HCN1: variants seen among roughly 807,000 people sequenced by gnomAD.
HCN1 encodes potassium/sodium hyperpolarization-activated cyclic nucleotide-gated channel 1.
Under a neutral mutation model 78.9 loss-of-function variants are expected in HCN1, and 13 were observed. That is an observed-to-expected ratio of 0.16 (90% CI 0.11 to 0.26). The LOEUF (loss-of-function observed/expected upper bound fraction) is 0.26, where lower values mean the gene tolerates loss of function less well. HCN1 is among the 10% of genes least tolerant of loss of function. The probability of loss-of-function intolerance (pLI) is 1.00; values close to 1 mark genes in which losing one functional copy is unlikely to be tolerated. For missense variants in HCN1, 810 were observed against 1,154.3 expected (o/e 0.70, Z 4.32); for synonymous variants, 552 against 455.5 (o/e 1.21, Z -2.70).
chr5:45,265,239 A>G (rs563677454), intron 7 of HCN1, among the ~76,000 whole-genome samples: 11 of 152,274 alleles, frequency 7.2e-5, no homozygotes, highest in African/African-American at 2.6e-4. Context: ...GTGAAGCTGT[A>G]TCAGATTAAC....
At chr5:45,436,655 A>C (rs1740565166) in intron 3 of HCN1, among the ~76,000 whole-genome samples, 1 of 152,192 alleles carries the variant, frequency 6.6e-6, no homozygotes, top group African/African-American at 2.4e-5. Context: ...ACAATATTAT[A>C]AATACAATAG....
intron 6 of HCN1, among the ~76,000 whole-genome samples, chr5:45,276,617 T>G (rs1010192737): frequency 2.0e-5 from 3 of 152,052 alleles, no homozygotes; most frequent in Admixed American, 6.6e-5. Context: ...CCTTAGGCAA[T>G]TGTGGAGAAT....
At chr5:45,498,843 T>G (rs1442125059) in intron 2 of HCN1, among the ~76,000 whole-genome samples, 1 of 152,100 alleles carries the variant, frequency 6.6e-6, no homozygotes, top group African/African-American at 2.4e-5. Context: ...TACCCGGCCG[T>G]GTGAGGTGTC....
intron 2 of HCN1, among the ~76,000 whole-genome samples, chr5:45,521,797 T>G (rs1383232155): frequency 2.6e-5 from 4 of 152,122 alleles, no homozygotes; most frequent in Middle Eastern, 6.8e-3. Context: ...ATAATATAAC[T>G]TATTATCAGC....
chr5:45,641,298 C>T (rs956764873), intron 2 of HCN1, among the ~76,000 whole-genome samples: 19 of 152,234 alleles, frequency 1.2e-4, no homozygotes, highest in African/African-American at 4.6e-4. Context: ...TGCATTAGCT[C>T]CCTATGGAAT....
chr5:45,571,968 A>G (rs1420754836), intron 2 of HCN1, among the ~76,000 whole-genome samples: 1 of 152,126 alleles, frequency 6.6e-6, no homozygotes, highest in Non-Finnish European at 1.5e-5. Context: ...GACCATTGAT[A>G]TTTTGTTTAT....
chr5:45,401,394 C>T (rs1348948851), intron 3 of HCN1, among the ~76,000 whole-genome samples: 1 of 152,068 alleles, frequency 6.6e-6, no homozygotes, highest in East Asian at 1.9e-4. Flanking sequence ...CTGGGTATCA[C>T]CCCTTTAACT....
intron 2 of HCN1, among the ~76,000 whole-genome samples, chr5:45,555,645 T>C (rs1743453907): frequency 6.6e-6 from 1 of 151,440 alleles, no homozygotes; most frequent in Non-Finnish European, 1.5e-5. Flanking sequence ...GACTTCAAAT[T>C]ATACTACAAA....
intron 2 of HCN1, among the ~76,000 whole-genome samples, chr5:45,592,900 G>A (rs1459975853): frequency 6.6e-6 from 1 of 152,278 alleles, no homozygotes; most frequent in African/African-American, 2.4e-5. Flanking sequence ...CTTAGGAAAT[G>A]TGAGAAAATA....
chr5:45,456,624 T>C (rs1311953728), intron 3 of HCN1, among the ~76,000 whole-genome samples: 1 of 152,014 alleles, frequency 6.6e-6, no homozygotes, highest in Admixed American at 6.6e-5. Flanking sequence ...ATTTTACAAA[T>C]CAAATACAAA....
chr5:45,335,854 A>G (rs1427061758), intron 5 of HCN1, among the ~76,000 whole-genome samples: 1 of 152,106 alleles, frequency 6.6e-6, no homozygotes, highest in Non-Finnish European at 1.5e-5. Context: ...AGTTAAGAAA[A>G]TAGCTCAGAG....
At chr5:45,323,675 A>G (rs1336651126) in intron 5 of HCN1, among the ~76,000 whole-genome samples, 1 of 151,890 alleles carries the variant, frequency 6.6e-6, no homozygotes, top group Admixed American at 6.6e-5. Context: ...TTAACTCGTC[A>G]TTTAGCATTA....
chr5:45,593,316 T>C (rs964160201), intron 2 of HCN1, among the ~76,000 whole-genome samples: 10 of 45,346 alleles, frequency 2.2e-4, no homozygotes, highest in African/African-American at 5.7e-4. Context: ...TCTCTCTCTC[T>C]CTCTCCCTCT....
At chr5:45,461,492 A>C (rs1741156113) in intron 3 of HCN1, among the ~76,000 whole-genome samples, 1 of 152,150 alleles carries the variant, frequency 6.6e-6, no homozygotes, top group African/African-American at 2.4e-5. Flanking sequence ...AAAGCTAAAA[A>C]ATGTTGATGA....
intron 4 of HCN1, among the ~76,000 whole-genome samples, chr5:45,385,916 C>T (rs1425337509): frequency 1.3e-5 from 2 of 152,168 alleles, no homozygotes; most frequent in Admixed American, 1.3e-4. Flanking sequence ...TCTCCAGGAC[C>T]AGCTTAGCTC....
chr5:45,613,388 G>A (rs1244570374), intron 2 of HCN1, among the ~76,000 whole-genome samples: 1 of 151,904 alleles, frequency 6.6e-6, no homozygotes, highest in African/African-American at 2.4e-5. Flanking sequence ...CCACATCAGA[G>A]AAATGCAAAT....
intron 5 of HCN1, among the ~76,000 whole-genome samples, chr5:45,331,114 T>A (rs1746334730): frequency 6.6e-6 from 1 of 151,266 alleles, no homozygotes; most frequent in South Asian, 2.1e-4. Context: ...CTGCATATTA[T>A]CTTTGGCATT....
At chr5:45,562,440 A>C (rs1351859124) in intron 2 of HCN1, among the ~76,000 whole-genome samples, 1 of 152,066 alleles carries the variant, frequency 6.6e-6, no homozygotes, top group Admixed American at 6.6e-5. Context: ...GGAAAGCTGA[A>C]ACAGGAGGAT....
intron 2 of HCN1, chr5:45,559,911 C>G (rs1743559543): frequency 6.6e-6 from 1 of 152,084 alleles, no homozygotes. Flanking sequence ...CCATTCCAAC[C>G]TTCGGTAAAC....
Sources: allele counts gnomAD v4.1 joint callset (sites outside exome capture counted in the v4.1 genomes callset), GRCh38; gene constraint gnomAD v4.1.1; transcripts MANE v1.5; gene names NCBI Gene and HGNC (gene_info 2026-07-23, HGNC 2026-07-21).